SKP2: variants seen among roughly 807,000 people sequenced by gnomAD.
The protein encoded by SKP2 is S-phase kinase-associated protein 2.
A neutral mutation model predicts 51.8 loss-of-function variants in SKP2; 16 were observed. That is an observed-to-expected ratio of 0.31 (90% CI 0.21 to 0.47). The LOEUF (loss-of-function observed/expected upper bound fraction) is 0.47, where lower values mean the gene tolerates loss of function less well. Ranked by LOEUF, SKP2 falls within the 20% of genes least tolerant of loss-of-function variation. The pLI is 1.00. For missense variants in SKP2, 377 were observed against 505.3 expected (o/e 0.75, Z 2.43); for synonymous variants, 176 against 198.6 (o/e 0.89, Z 0.96).
In SKP2 at chr5:36,168,351, T is replaced by C; in HGVS notation, c.575T>C (p.Val192Ala). 6.2e-7 allele frequency: 1 copy of C among 1,614,102 alleles called. No individual in the cohort carries two copies. The highest frequency in any genetic ancestry group is 2.2e-5 in the East Asian group (1 of 44,880). ...CAGCACATGGACCTATCGAACTCAG[T>C]TATAGAAGTGTCCACCCTCCACGGC... ...RVQHMDLSNS[V>A]IEVSTLHGIL... The change falls in exon 5 of 10, where the codon GTT becomes GCT. Residue 192 changes from valine to alanine, a missense_variant. By Grantham distance (64) the Val-to-Ala change is moderately conservative. Transcript: ENST00000274255.
chr5:36,186,779 CCT>C (rs548180727), downstream of SKP2, among the ~76,000 whole-genome samples: 154 of 152,082 alleles, frequency 1.0e-3, 1 homozygote, highest in Middle Eastern at 3.4e-3. Context: ...AGGAGGATTC[CCT>C]CTTTTTCTAT....
chr5:36,171,809 T>G, intron 7 of SKP2, 76 bp downstream of exon 7: 1 of 1,423,392 alleles, frequency 7.0e-7, no homozygotes, highest in Non-Finnish European at 9.8e-7. Context: ...CTCCTAATCA[T>G]TCCTCCACAT....
At chr5:36,184,324 C>T (rs1474987704), downstream of SKP2, 1 of 168,386 alleles carries the variant, frequency 5.9e-6, no homozygotes, top group African/African-American at 2.4e-5. Context: ...AGGTTTGTTA[C>T]ATATGTATAC....
intron 9 of SKP2, chr5:36,180,117 C>A: frequency 2.1e-6 from 1 of 473,138 alleles, no homozygotes; most frequent in Admixed American, 2.2e-5. Context: ...TGCCATCTGC[C>A]ATTCCTCCTT....
At chr5:36,164,890 CAT>C (rs745715303) in intron 3 of SKP2, among the ~76,000 whole-genome samples, 3 of 152,224 alleles carry the variant, frequency 2.0e-5, no homozygotes, top group Admixed American at 6.5e-5. Context: ...CATTATCTCA[CAT>C]AGTTACCTAT....
chr5:36,163,055 C>T (rs938189951), intron 2 of SKP2, among the ~76,000 whole-genome samples: 4 of 152,152 alleles, frequency 2.6e-5, no homozygotes, highest in Admixed American at 2.6e-4. Context: ...GGGTCCCTCC[C>T]GCAACACATG....
downstream of SKP2, among the ~76,000 whole-genome samples, chr5:36,188,060 C>T (rs1489760773): frequency 6.6e-6 from 1 of 151,694 alleles, no homozygotes; most frequent in African/African-American, 2.4e-5. Flanking sequence ...CAACCCCTGC[C>T]TTTTTTTGTT....
At chr5:36,180,645 TA>T (rs1383335466) in intron 9 of SKP2, among the ~76,000 whole-genome samples, 1 of 152,088 alleles carries the variant, frequency 6.6e-6, no homozygotes, top group African/African-American at 2.4e-5. Context: ...CTGGGTTCTG[TA>T]AACACAAGGG....
At chr5:36,175,129 G>T (rs1452172682) in intron 7 of SKP2, among the ~76,000 whole-genome samples, 1 of 152,096 alleles carries the variant, frequency 6.6e-6, no homozygotes, top group Admixed American at 6.6e-5. Flanking sequence ...ACTTAAGGTG[G>T]TAAGAAATGA....
At chr5:36,154,693 A>C (rs1342151846) in intron 2 of SKP2, among the ~76,000 whole-genome samples, 1 of 152,006 alleles carries the variant, frequency 6.6e-6, no homozygotes, top group Non-Finnish European at 1.5e-5. Flanking sequence ...CACGCCCAGC[A>C]ATTTTTTTAT....
At chr5:36,165,747 C>G (rs1745264035) in intron 3 of SKP2, among the ~76,000 whole-genome samples, 1 of 152,292 alleles carries the variant, frequency 6.6e-6, no homozygotes, top group African/African-American at 2.4e-5. Flanking sequence ...TCTAGTACAC[C>G]TAAGCATTTA....
chr5:36,162,446 A>G (rs540342460), intron 2 of SKP2, among the ~76,000 whole-genome samples: 1 of 151,246 alleles, frequency 6.6e-6, no homozygotes, highest in East Asian at 1.9e-4. Context: ...TCTGCTCTGA[A>G]CTCTCTGTTC....
Position 36,156,087 on chromosome 5 carries a change from G to A in SKP2, c.280+3045G>A, listed in dbSNP as rs555736792. ...AAAAGTATATATCTGAAGGGAGAGA[G>A]AAAGAATGGTGACTTTTATGTTTAT... On this transcript the variant is annotated intron_variant, in intron 2 of 9. Coordinates refer to ENST00000274255, the MANE Select transcript of SKP2 (RefSeq NM_005983.4). 5.9e-5 allele frequency among the ~76,000 whole-genome samples: 9 copies of A among 152,312 alleles called. No homozygotes were observed. The South Asian group carries it at 1.9e-3, about 32-fold the overall frequency.
In SKP2 at chr5:36,163,624, AC is replaced by A; in HGVS notation, c.281-20del. 2.0e-6 allele frequency: 3 copies of A among 1,476,172 alleles called. No homozygotes were observed. The highest frequency in any genetic ancestry group is 2.8e-6 in the Non-Finnish European group (3 of 1,054,274). The allele number at this position is 1,476,172 out of a possible 1,614,324, so 91.4% of individuals were successfully genotyped here. A position where few individuals can be genotyped will look rare whatever the true frequency, so the allele number is the denominator to read the frequency against. ...TAGGGTGAAAGAATGGTGATGGCAAACACTTGTTTTCCCTCCAAAGGTGTTT... is the reference window on the plus strand; with the variant it reads ...TAGGGTGAAAGAATGGTGATGGCAAAACTTGTTTTCCCTCCAAAGGTGTTT... On this transcript the variant is annotated intron_variant, in intron 2 of 9. Transcript: ENST00000274255.
chr5:36,152,509 CCTGT>C (rs1744769939), intron 1 of SKP2, among the ~76,000 whole-genome samples: 1 of 152,082 alleles, frequency 6.6e-6, no homozygotes, highest in South Asian at 2.1e-4. Context: ...GTATGATTGC[CCTGT>C]CTCTCTCCTT....
At chr5:36,185,779 A>G (rs963637477), downstream of SKP2, among the ~76,000 whole-genome samples, 2 of 152,160 alleles carry the variant, frequency 1.3e-5, no homozygotes, top group African/African-American at 4.8e-5. Flanking sequence ...GTTTTTTGCA[A>G]TTCTGTGAAA....
chr5:36,175,499 T>G (rs1745603431), intron 7 of SKP2, among the ~76,000 whole-genome samples: 1 of 152,156 alleles, frequency 6.6e-6, no homozygotes, highest in South Asian at 2.1e-4. Flanking sequence ...ATTTATTGAT[T>G]CATTTTCTGA....
chr5:36,154,247 A>G (rs1329828485), intron 2 of SKP2, among the ~76,000 whole-genome samples: 1 of 152,108 alleles, frequency 6.6e-6, no homozygotes, highest in Non-Finnish European at 1.5e-5. Context: ...AAGCAAAGAC[A>G]TAAAGGAGGC....
At chr5:36,160,657 G>A (rs1745094755) in intron 2 of SKP2, among the ~76,000 whole-genome samples, 1 of 152,206 alleles carries the variant, frequency 6.6e-6, no homozygotes, top group African/African-American at 2.4e-5. Context: ...TATGTAAGAG[G>A]CAGCAGAGGT....
Sources: allele counts gnomAD v4.1 joint callset (sites outside exome capture counted in the v4.1 genomes callset), GRCh38; gene constraint gnomAD v4.1.1; transcripts MANE v1.5; gene names NCBI Gene and HGNC (gene_info 2026-07-23, HGNC 2026-07-21).